The following PNPT1 variants were observed in gnomAD, a reference collection of about 807,000 sequenced individuals.
The protein encoded by PNPT1 is polyribonucleotide nucleotidyltransferase 1, mitochondrial.
In PNPT1, 53 loss-of-function variants were observed where a neutral mutation model predicts 119.5. The ratio of observed to expected loss-of-function variants is 0.44; its 90% CI spans 0.36 to 0.56. PNPT1 has a LOEUF of 0.56. Ranked by LOEUF, PNPT1 falls within the 20% of genes least tolerant of loss-of-function variation. The pLI is 0.00. For synonymous variants in PNPT1, 357 were observed against 322.1 expected, an observed-to-expected ratio of 1.11 and a Z score of -1.16; for missense variants, 948 against 938.5, an observed-to-expected ratio of 1.01 and a Z score of -0.13.
intron 18 of PNPT1, among the ~76,000 whole-genome samples, chr2:55,649,479 ATATTAAAATACC>A (rs1246375440): frequency 2.6e-5 from 4 of 152,188 alleles, no homozygotes; most frequent in Non-Finnish European, 5.9e-5. Context: ...TTTACCCTAA[ATATTAAAATACC>A]TATTGTAACT....
intron 11 of PNPT1, among the ~76,000 whole-genome samples, chr2:55,670,460 A>C (rs1696876371): frequency 6.6e-6 from 1 of 152,182 alleles, no homozygotes; most frequent in Non-Finnish European, 1.5e-5. Context: ...TGCTGGGATT[A>C]CAGGCGTGAG....
In PNPT1 at chr2:55,662,029, A is replaced by G; in HGVS notation, c.1177-3T>C. 6.4e-7 allele frequency: 1 copy of G among 1,554,894 alleles called. No individual in the cohort carries two copies. Among genetic ancestry groups the G allele is most frequent in the Non-Finnish European group, 8.6e-7 (1 of 1,158,848 alleles). On this transcript the variant is annotated splice_region_variant and splice_polypyrimidine_tract_variant and intron_variant, in intron 13 of 27. Coordinates refer to ENST00000447944, the MANE Select transcript of PNPT1 (RefSeq NM_033109.5). ...TCAAATGTAACGGTACAAAGCACCT[A>G]AAAAAGAAAAAGAATTCCTCAGGCT...
At chr2:55,682,092 G>A (rs1383879674) in intron 5 of PNPT1, among the ~76,000 whole-genome samples, 2 of 152,144 alleles carry the variant, frequency 1.3e-5, no homozygotes, top group South Asian at 2.1e-4. Context: ...GCAGTGAGCC[G>A]AGATCGCGCC....
chr2:55,652,843 A>G (rs1348615773), intron 18 of PNPT1, among the ~76,000 whole-genome samples: 1 of 152,164 alleles, frequency 6.6e-6, no homozygotes, highest in Non-Finnish European at 1.5e-5. Context: ...TTCTTTCTGT[A>G]GTCCCTTTCC....
chr2:55,641,995 C>T (rs554204598), intron 25 of PNPT1, among the ~76,000 whole-genome samples: 1 of 152,194 alleles, frequency 6.6e-6, no homozygotes, highest in East Asian at 1.9e-4. Context: ...GCATGCACCA[C>T]CATGCCTGGC....
chr2:55,661,910 A>C, intron 14 of PNPT1, 46 bp downstream of exon 14: 1 of 1,460,132 alleles, frequency 6.8e-7, no homozygotes, highest in Non-Finnish European at 9.2e-7. Flanking sequence ...TAATTATATA[A>C]TAGAACATCA....
intron 1 of PNPT1, among the ~76,000 whole-genome samples, chr2:55,691,878 A>ATTTTTTTTTTT (rs1227966046): frequency 9.4e-4 from 31 of 33,076 alleles, no homozygotes; most frequent in Non-Finnish European, 1.5e-3. Flanking sequence ...ATATATATAT[A>ATTTTTTTTTTT]TTTTTTTTTT....
chr2:55,666,518 C>T (rs1265552273), intron 13 of PNPT1, among the ~76,000 whole-genome samples: 10 of 152,022 alleles, frequency 6.6e-5, no homozygotes, highest in Non-Finnish European at 8.8e-5. Flanking sequence ...AGCAATTATA[C>T]CTCAAAAAAA....
intron 27 of PNPT1, 117 bp downstream of exon 27, chr2:55,637,435 C>T (rs1695709489): frequency 2.3e-6 from 2 of 860,968 alleles, no homozygotes; most frequent in Non-Finnish European, 3.8e-6. Flanking sequence ...AAATGAAGTA[C>T]TGCATACAAA....
rs1243776150 is a variant in PNPT1 at position 55,687,706 on chromosome 2, C to T, written c.162-1G>A. Reference sequence around the variant, plus strand: ...CTTTCCAGAAGATATTTCTAATTTCCTGTTTAAAAATAAAAATGCAATACA... The same window carrying T: ...CTTTCCAGAAGATATTTCTAATTTCTTGTTTAAAAATAAAAATGCAATACA... On this transcript the variant is annotated splice_acceptor_variant, in intron 1 of 27. Transcript: ENST00000447944. LOFTEE classifies it high-confidence loss of function. 6.2e-7 allele frequency: 1 copy of T among 1,600,524 alleles called. No homozygotes were observed. The highest frequency in any genetic ancestry group is 1.3e-5 in the African/African-American group (1 of 74,194).
At chr2:55,680,274 T>C (rs934301247) in intron 7 of PNPT1, among the ~76,000 whole-genome samples, 1 of 152,202 alleles carries the variant, frequency 6.6e-6, no homozygotes, top group African/African-American at 2.4e-5. Context: ...GCATCTTTCA[T>C]TGTTGTATTG....
intron 19 of PNPT1, among the ~76,000 whole-genome samples, chr2:55,646,876 T>C (rs1485459084): frequency 6.6e-6 from 1 of 152,194 alleles, no homozygotes; most frequent in Non-Finnish European, 1.5e-5. Flanking sequence ...TCTTGCTCTG[T>C]TGCCCAGGAT....
intron 8 of PNPT1, among the ~76,000 whole-genome samples, chr2:55,673,663 T>TG (rs1553499995): frequency 1.3e-5 from 2 of 152,128 alleles, no homozygotes; most frequent in Non-Finnish European, 2.9e-5. Context: ...TTAGCCAGGA[T>TG]GGTCTCAATC....
At chr2:55,639,382 G>C (rs78879901) in intron 26 of PNPT1, among the ~76,000 whole-genome samples, 4,765 of 152,198 alleles carry the variant, frequency 0.031, 101 homozygotes, top group Middle Eastern at 0.13. Flanking sequence ...TAGGTCCATA[G>C]ACATTTACCA....
intron 1 of PNPT1, among the ~76,000 whole-genome samples, chr2:55,688,509 G>A (rs536821257): frequency 3.6e-4 from 55 of 152,136 alleles, no homozygotes; most frequent in African/African-American, 1.3e-3. Context: ...CTGATCACCC[G>A]AGGTCAGGAG....
intron 8 of PNPT1, among the ~76,000 whole-genome samples, chr2:55,676,515 G>T (rs1697077415): frequency 6.6e-6 from 1 of 152,204 alleles, no homozygotes; most frequent in Non-Finnish European, 1.5e-5. Context: ...AAGTAACCCA[G>T]CAGCTGACAG....
intron 13 of PNPT1, 41 bp downstream of exon 13, chr2:55,666,950 T>C: frequency 7.5e-7 from 1 of 1,338,686 alleles, no homozygotes; most frequent in South Asian, 1.4e-5. Context: ...AATTAAACAA[T>C]CTTAATTTAG....
chr2:55,661,557 C>A (rs1696577369), intron 14 of PNPT1, among the ~76,000 whole-genome samples: 1 of 152,114 alleles, frequency 6.6e-6, no homozygotes, highest in Non-Finnish European at 1.5e-5. Flanking sequence ...TTCGACAAGG[C>A]TTTTCATTAA....
In PNPT1 at chr2:55,679,809, G is replaced by A. The variant is rs201253326; in HGVS notation, c.566-14C>T. 6.5e-6 allele frequency: 10 copies of A among 1,546,456 alleles called. No homozygotes were observed. Among genetic ancestry groups the A allele is most frequent in the African/African-American group, 5.5e-5 (4 of 73,004 alleles). On this transcript the variant is annotated splice_polypyrimidine_tract_variant and intron_variant, in intron 7 of 27. Transcript: ENST00000447944. ...TTCGTACTGCCCCTAAAATGTATTA[G>A]AATATTGGCAACTGTTTAATGGAAA...
Sources: allele counts gnomAD v4.1 joint callset (sites outside exome capture counted in the v4.1 genomes callset), GRCh38; gene constraint gnomAD v4.1.1; transcripts MANE v1.5; gene names NCBI Gene and HGNC (gene_info 2026-07-23, HGNC 2026-07-21).